The following RIMKLB variants were observed in gnomAD, a reference collection of about 807,000 sequenced individuals.
RIMKLB encodes the protein beta-citrylglutamate synthase B.
In RIMKLB, 7 loss-of-function variants were observed where a neutral mutation model predicts 32.0. That is an observed-to-expected ratio of 0.22 (90% confidence interval 0.12 to 0.41). RIMKLB has a LOEUF of 0.41. RIMKLB is among the 10% of genes least tolerant of loss of function. RIMKLB has a pLI of 1.00. For missense variants in RIMKLB, 289 were observed against 498.7 expected (o/e 0.58, Z 4.00); for synonymous variants, 172 against 185.1 (o/e 0.93, Z 0.57).
At chr12:8,742,475 T>C in intron 2 of RIMKLB, 2 of 414,802 alleles carry the variant, frequency 4.8e-6, no homozygotes, top group South Asian at 1.8e-5. Context: ...AGGAGGAGGA[T>C]GTCCTCAAGT....
chr12:8,748,305 A>G (rs1015834702), intron 2 of RIMKLB, among the ~76,000 whole-genome samples: 4 of 152,112 alleles, frequency 2.6e-5, no homozygotes, highest in Admixed American at 6.6e-5. Context: ...AGAAAAGGAC[A>G]TTTACATAAC....
At chr12:8,671,182 C>G in the RIMKLB span, among the ~76,000 whole-genome samples, 1 of 152,130 alleles carries the variant, frequency 6.6e-6, no homozygotes, top group Admixed American at 6.6e-5. Flanking sequence ...GGCTTATAGG[C>G]TCCTTGCTAC....
intron 2 of RIMKLB, among the ~76,000 whole-genome samples, chr12:8,734,011 C>G (rs1196572284): frequency 2.0e-5 from 3 of 152,184 alleles, no homozygotes; most frequent in Non-Finnish European, 4.4e-5. Flanking sequence ...CTCACCCCAT[C>G]AAGTGCTTGT....
intron 2 of RIMKLB, among the ~76,000 whole-genome samples, chr12:8,715,228 C>CTTTTTTTTTTTTTTTTTTTTT (rs61677474): frequency 8.1e-6 from 1 of 123,762 alleles, no homozygotes; most frequent in African/African-American, 3.3e-5. Flanking sequence ...TGCTCTTGTT[C>CTTTTTTTTTTTTTTTTTTTTT]TTTTTTTTTT....
chr12:8,686,431 C>G (rs1942574199), intron 1 of RIMKLB, among the ~76,000 whole-genome samples: 1 of 152,056 alleles, frequency 6.6e-6, no homozygotes, highest in Admixed American at 6.6e-5. Context: ...ACGCGTGACA[C>G]CATGACCAGC....
chr12:8,763,569 C>T (rs759606714), intron 5 of RIMKLB, among the ~76,000 whole-genome samples: 4 of 152,206 alleles, frequency 2.6e-5, no homozygotes, highest in South Asian at 2.1e-4. Flanking sequence ...ATACGTTCCT[C>T]GCTGAGCGCC....
intron 2 of RIMKLB, among the ~76,000 whole-genome samples, chr12:8,748,609 T>TA (rs1948352654): frequency 2.0e-5 from 3 of 147,948 alleles, no homozygotes; most frequent in South Asian, 4.2e-4. Flanking sequence ...TATATATTTT[T>TA]TATATATATA....
At chr12:8,698,422 G>C (rs1943050032) in intron 1 of RIMKLB, 125 bp downstream of exon 1, 1 of 159,164 alleles carries the variant, frequency 6.3e-6, no homozygotes, top group Non-Finnish European at 1.4e-5. Context: ...GGAGGGGACC[G>C]GCCCGAGCGC....
chr12:8,752,144 A>G lies in RIMKLB; in HGVS notation c.493+101A>G, dbSNP rs1342936685. Reference sequence around the variant, plus strand: ...TAGTTAGAGGGAAATTGTTAGATGCATGATACCTCAGACTTACAGAAGGCT... The same window carrying G: ...TAGTTAGAGGGAAATTGTTAGATGCGTGATACCTCAGACTTACAGAAGGCT... On this transcript the variant is annotated intron_variant, in intron 4 of 5. Transcript: ENST00000535829. 14 of 756,942 alleles carry G rather than the reference A, an allele frequency of 1.8e-5. No homozygotes were observed. The Admixed American group carries it at 2.0e-4, about 11-fold the overall frequency. The allele number at this position is 756,942 out of a possible 1,614,324, so 46.9% of individuals were successfully genotyped here.
intron 2 of RIMKLB, among the ~76,000 whole-genome samples, chr12:8,720,747 C>T (rs1409479499): frequency 1.3e-5 from 2 of 152,176 alleles, no homozygotes; most frequent in African/African-American, 2.4e-5. Context: ...ACCTTGTTGG[C>T]CAGGCTGGTC....
chr12:8,776,702 T>C lies in RIMKLB; in HGVS notation c.*2918T>C. The C allele has an allele frequency of 1.0e-6, 1 of 985,276 alleles. No homozygotes were observed. Among genetic ancestry groups the C allele is most frequent in the Non-Finnish European group, 1.2e-6 (1 of 829,812 alleles). 61.0% of individuals were successfully genotyped at this position (985,276 alleles called of 1,614,324 possible). A position where few individuals can be genotyped will look rare whatever the true frequency, so the allele number is the denominator to read the frequency against. On this transcript the variant is annotated 3_prime_UTR_variant, in exon 6 of 6. Coordinates refer to ENST00000535829, the MANE Select transcript of RIMKLB (RefSeq NM_001297776.2). ...TTTCTTTTTTGGTGCCTATAATTGA[T>C]TGGTCATTTCTGCTGGCTTTTCTCC... is the stretch of plus-strand genomic sequence containing the variant.
rs61919245 is a variant in RIMKLB at position 8,728,938 on chromosome 12, A to G, written c.175+14897A>G. Among the ~76,000 whole-genome samples the G allele has an allele frequency of 2.4e-3, 358 of 152,192 alleles. 1 individual carries two copies. The highest frequency in any genetic ancestry group is 3.5e-3 in the Non-Finnish European group (235 of 67,998). On this transcript the variant is annotated intron_variant, in intron 2 of 5. Transcript: ENST00000535829. ...CTTTGTGGGATGGGAACTGGAGTGC[A>G]TGGGCTCCAGCAGGGGTGAACTCCA... is the stretch of plus-strand genomic sequence containing the variant.
In RIMKLB at chr12:8,698,438, G is replaced by A. The variant is rs1486236175; in HGVS notation, c.-57+141G>A. 1.9e-5 allele frequency: 3 copies of A among 156,414 alleles called. No individual in the cohort carries two copies. The East Asian group carries it at 5.8e-4, about 30-fold the overall frequency. The allele number at this position is 156,414 out of a possible 1,614,324, so 9.7% of individuals were successfully genotyped here. On this transcript the variant is annotated intron_variant, in intron 1 of 5. Transcript: ENST00000535829. ...GAGGGGACCGGCCCGAGCGCGCCCG[G>A]GGTCCGGGGCTAGTTGAGGCCGGTG...
At chr12:8,771,545 A>G (rs1950396234) in intron 5 of RIMKLB, among the ~76,000 whole-genome samples, 1 of 152,216 alleles carries the variant, frequency 6.6e-6, no homozygotes, top group Non-Finnish European at 1.5e-5. Flanking sequence ...ACTTTGTCTG[A>G]GATATAATTC....
At chr12:8,758,399 G>C (rs915269620) in intron 5 of RIMKLB, among the ~76,000 whole-genome samples, 6 of 151,996 alleles carry the variant, frequency 3.9e-5, no homozygotes, top group Admixed American at 1.3e-4. Flanking sequence ...GTGATTACAG[G>C]TTTGAGCCAC....
upstream of RIMKLB, among the ~76,000 whole-genome samples, chr12:8,692,931 G>A (rs1565541442): frequency 6.6e-6 from 1 of 152,194 alleles, no homozygotes; most frequent in Non-Finnish European, 1.5e-5. Context: ...CTCCAGCCAC[G>A]TGAATTTTGC....
At chr12:8,686,569 T>C (rs1942580698) in intron 1 of RIMKLB, among the ~76,000 whole-genome samples, 1 of 151,784 alleles carries the variant, frequency 6.6e-6, no homozygotes, top group Admixed American at 6.6e-5. Flanking sequence ...AAGCTCCGCC[T>C]CCCGGATTCA....
intron 1 of RIMKLB, among the ~76,000 whole-genome samples, chr12:8,683,468 G>A (rs1244529479): frequency 6.6e-6 from 1 of 152,100 alleles, no homozygotes. Flanking sequence ...GGGGCATAGT[G>A]GTATCTTATG....
intron 2 of RIMKLB, among the ~76,000 whole-genome samples, chr12:8,728,582 A>G (rs1260809792): frequency 2.6e-5 from 4 of 152,102 alleles, no homozygotes; most frequent in African/African-American, 9.7e-5. Flanking sequence ...TTAGTCTTCT[A>G]AGCTTACCAG....
Sources: allele counts gnomAD v4.1 joint callset (sites outside exome capture counted in the v4.1 genomes callset), GRCh38; gene constraint gnomAD v4.1.1; transcripts MANE v1.5; gene names NCBI Gene and HGNC (gene_info 2026-07-23, HGNC 2026-07-21).